ASAP2: variants seen among roughly 807,000 people sequenced by gnomAD.
ASAP2 encodes the protein ArfGAP with SH3 domain, ankyrin repeat and PH domain 2, also known as arf-GAP with SH3 domain, ANK repeat and PH domain-containing protein 2.
In ASAP2, 45 loss-of-function variants were observed where a neutral mutation model predicts 131.4. That is an observed-to-expected ratio of 0.34 (90% confidence interval 0.27 to 0.44). ASAP2 has a LOEUF of 0.44. Among genes scored for constraint, ASAP2 ranks in the 20% least tolerant of loss-of-function variants. ASAP2 has a pLI of 1.00. For synonymous variants in ASAP2, 510 were observed against 503.0 expected (o/e 1.01, Z -0.19); for missense variants, 1,011 against 1,297.0 (o/e 0.78, Z 3.39).
chr2:9,210,314 G>T (rs1481271270), intron 1 of ASAP2, among the ~76,000 whole-genome samples: 1 of 152,212 alleles, frequency 6.6e-6, no homozygotes. Context: ...ATTTTCCTCA[G>T]CTTTAAAGTC....
chr2:9,303,030 A>G (rs932138634), intron 3 of ASAP2, among the ~76,000 whole-genome samples: 5 of 152,186 alleles, frequency 3.3e-5, no homozygotes, highest in African/African-American at 1.2e-4. Flanking sequence ...TCGTCACTCA[A>G]TATAGACATC....
At chr2:9,238,760 AC>A (rs1440740604) in intron 1 of ASAP2, among the ~76,000 whole-genome samples, 2 of 152,210 alleles carry the variant, frequency 1.3e-5, no homozygotes, top group African/African-American at 2.4e-5. Context: ...TTACAAATGT[AC>A]AGTTGTGTAA....
intron 2 of ASAP2, among the ~76,000 whole-genome samples, chr2:9,280,966 T>C (rs1667094745): frequency 1.3e-5 from 2 of 152,220 alleles, no homozygotes; most frequent in Non-Finnish European, 2.9e-5. Context: ...CCTGATGGTC[T>C]TACTGCTGTG....
intron 1 of ASAP2, among the ~76,000 whole-genome samples, chr2:9,261,490 G>C (rs1665572500): frequency 1.3e-5 from 2 of 152,256 alleles, no homozygotes; most frequent in South Asian, 4.1e-4. Flanking sequence ...GCTCTGTGGA[G>C]TGTAAATTGC....
In ASAP2 at chr2:9,350,889, A is replaced by G; in HGVS notation, c.1105A>G (p.Ile369Val). ...NPEEKKCFDL[I>V]SHDRTYHFQA... Reference sequence around the variant, plus strand: ...TGAGGAGAAGAAGTGCTTTGACCTCATTTCACGTAAGGCTCCCTCTGAGAT... The same window carrying G: ...TGAGGAGAAGAAGTGCTTTGACCTCGTTTCACGTAAGGCTCCCTCTGAGAT... The change falls in exon 12 of 28, where the codon ATT becomes GTT. Residue 369 changes from isoleucine (I) to valine (V), a missense_variant. Coordinates refer to ENST00000281419, the MANE Select transcript of ASAP2 (RefSeq NM_003887.3). 1 of 1,606,420 alleles carries G rather than the reference A, an allele frequency of 6.2e-7. No individual in the cohort carries two copies. Among genetic ancestry groups the G allele is most frequent in the Non-Finnish European group, 8.5e-7 (1 of 1,175,074 alleles).
At chr2:9,215,064 C>T (rs1210351299) in intron 1 of ASAP2, among the ~76,000 whole-genome samples, 1 of 152,206 alleles carries the variant, frequency 6.6e-6, no homozygotes, top group Non-Finnish European at 1.5e-5. Context: ...CACTTACACA[C>T]ACCCAGATGG....
intron 1 of ASAP2, among the ~76,000 whole-genome samples, chr2:9,258,093 G>T (rs563620295): frequency 2.6e-5 from 4 of 152,160 alleles, no homozygotes; most frequent in African/African-American, 7.2e-5. Flanking sequence ...CTGACTTTGG[G>T]GTAGGATATA....
chr2:9,395,671 G>A (rs573809067), intron 24 of ASAP2, among the ~76,000 whole-genome samples: 7 of 126,868 alleles, frequency 5.5e-5, no homozygotes, highest in South Asian at 2.7e-4. Context: ...GCGGTGGCGC[G>A]ATCTTGGCTC....
chr2:9,307,279 C>T (rs1468913321), intron 3 of ASAP2, among the ~76,000 whole-genome samples: 1 of 152,086 alleles, frequency 6.6e-6, no homozygotes, highest in Non-Finnish European at 1.5e-5. Context: ...CCTTGCTGGT[C>T]AGGAGCCACA....
At chr2:9,331,713 A>G (rs1670853422) in intron 7 of ASAP2, among the ~76,000 whole-genome samples, 1 of 152,128 alleles carries the variant, frequency 6.6e-6, no homozygotes, top group Admixed American at 6.5e-5. Context: ...GGTTGCAGTG[A>G]GCTGAGATCA....
intron 11 of ASAP2, chr2:9,350,553 T>A: frequency 5.5e-6 from 2 of 362,150 alleles, no homozygotes; most frequent in Non-Finnish European, 1.0e-5. Flanking sequence ...TGGCATCGCT[T>A]GTCCTCTTGT....
At chr2:9,319,248 C>T (rs750097185) in intron 4 of ASAP2, among the ~76,000 whole-genome samples, 37 of 152,226 alleles carry the variant, frequency 2.4e-4, no homozygotes, top group Non-Finnish European at 4.9e-4. Context: ...ACGTGCACCA[C>T]GGAAGGGACG....
In ASAP2 at chr2:9,206,996, C is replaced by G; in HGVS notation, c.-109C>G. 9.8e-7 allele frequency: 1 copy of G among 1,018,086 alleles called. No individual in the cohort carries two copies. Among genetic ancestry groups the G allele is most frequent in the Non-Finnish European group, 1.2e-6 (1 of 845,542 alleles). The allele number at this position is 1,018,086 out of a possible 1,614,324, so 63.1% of individuals were successfully genotyped here. ...CCCGGCGCTCCCCTTTGTCCGCGGGCCGGAGCGGCGGCGGCAGCGGCGGTG... is the reference window on the plus strand; with the variant it reads ...CCCGGCGCTCCCCTTTGTCCGCGGGGCGGAGCGGCGGCGGCAGCGGCGGTG... On this transcript the variant is annotated 5_prime_UTR_variant, in exon 1 of 28. Coordinates refer to ENST00000281419, the MANE Select transcript of ASAP2 (RefSeq NM_003887.3). The surrounding 1 kb of genome is among the most constrained non-coding windows in gnomAD (Gnocchi z 4.0).
At chr2:9,336,400 G>C (rs1311867261) in intron 9 of ASAP2, among the ~76,000 whole-genome samples, 2 of 151,860 alleles carry the variant, frequency 1.3e-5, no homozygotes, top group Non-Finnish European at 2.9e-5. Flanking sequence ...ACAGTGATCT[G>C]AGTTCACAGA....
chr2:9,358,918 G>T, intron 15 of ASAP2, 29 bp downstream of exon 15: 1 of 1,591,334 alleles, frequency 6.3e-7, no homozygotes, highest in Non-Finnish European at 8.6e-7. Context: ...ATTTCAGATT[G>T]GAAACAAATG....
intron 14 of ASAP2, among the ~76,000 whole-genome samples, chr2:9,358,389 T>C (rs1672852661): frequency 6.6e-6 from 1 of 152,218 alleles, no homozygotes; most frequent in South Asian, 2.1e-4. Context: ...TCTCATTGTT[T>C]TCCTCTTGCT....
rs772646789 is a variant in ASAP2 at position 9,297,361 on chromosome 2, A to G, written c.261A>G (p.Val87=). Residue 87 remains valine, a synonymous_variant, in exon 3 of 28, where the codon GTA becomes GTG. Coordinates refer to ENST00000281419, the MANE Select transcript of ASAP2 (RefSeq NM_003887.3). Reference sequence around the variant, plus strand: ...TGGAGAAGTTTGGCGGCAACTGTGTATGCAGAGATGACCCAGATTTAGGAA... The same window carrying G: ...TGGAGAAGTTTGGCGGCAACTGTGTGTGCAGAGATGACCCAGATTTAGGAA... ...QALEKFGGNC[V]CRDDPDLGSA... 15 of 1,614,074 alleles carry G rather than the reference A, an allele frequency of 9.3e-6. No individual in the cohort carries two copies. The highest frequency in any genetic ancestry group is 1.3e-5 in the Non-Finnish European group (15 of 1,180,032).
At chr2:9,294,917 A>G (rs1411140229) in intron 2 of ASAP2, among the ~76,000 whole-genome samples, 1 of 152,194 alleles carries the variant, frequency 6.6e-6, no homozygotes, top group East Asian at 1.9e-4. Context: ...TGTTTCTGTC[A>G]TGCAGTAGAC....
rs571430048 is a variant in ASAP2 at position 9,376,230 on chromosome 2, G to A, written c.1747-678G>A. ...GTGCCCAGCACTGAGCTGTGCTGCC[G>A]CCAGAGGGCCCAGCAGGCAGGGCAG... On this transcript the variant is annotated intron_variant, in intron 17 of 27. Transcript: ENST00000281419. Among the ~76,000 whole-genome samples, 32 of 152,352 alleles carry A rather than the reference G, an allele frequency of 2.1e-4. No homozygotes were observed. In the East Asian group the frequency reaches 5.6e-3, roughly 27 times the overall value.
Sources: gnomAD v4.1 joint callset for allele counts (sites outside exome capture counted in the v4.1 genomes callset) on GRCh38, gnomAD v4.1.1 for gene constraint, Gnocchi (gnomAD v3.1) non-coding constraint, MANE v1.5 for transcripts, NCBI Gene and HGNC (gene_info 2026-07-23, HGNC 2026-07-21) for gene names.